The following PSAP variants were observed in gnomAD, a reference collection of about 807,000 sequenced individuals.
PSAP encodes precursor of saposins.
Under a neutral mutation model 66.0 loss-of-function variants are expected in PSAP, and 25 were observed. That is an observed-to-expected ratio of 0.38 (90% CI 0.28 to 0.53). The LOEUF (loss-of-function observed/expected upper bound fraction) is 0.53. PSAP is among the 20% of genes least tolerant of loss of function. The probability of loss-of-function intolerance (pLI) is 0.83; values close to 1 mark genes in which losing one functional copy is unlikely to be tolerated. For synonymous variants in PSAP, 273 were observed against 258.9 expected, an observed-to-expected ratio of 1.05 and a Z score of -0.52; for missense variants, 649 against 668.8, an observed-to-expected ratio of 0.97 and a Z score of 0.33.
chr10:71,827,255 C>T lies in PSAP; in HGVS notation c.720+759G>A, dbSNP rs192190222. On this transcript the variant is annotated intron_variant, in intron 6 of 13. Transcript: ENST00000394936. Reference sequence around the variant, plus strand: ...ACTAAAAAATACAAAAATAATTAGCCGGGCATGGTGGCGGGCACTTGTAGT... The same window carrying T: ...ACTAAAAAATACAAAAATAATTAGCTGGGCATGGTGGCGGGCACTTGTAGT... Among the ~76,000 whole-genome samples the T allele has an allele frequency of 5.1e-3, 774 of 151,922 alleles. 11 individuals are homozygous for T. Among genetic ancestry groups the T allele is most frequent in the African/African-American group, 0.018 (751 of 41,436 alleles).
chr10:71,819,959 A>T, intron 9 of PSAP, 59 bp from the exon 10 acceptor site: 1 of 1,430,408 alleles, frequency 7.0e-7, no homozygotes, highest in Non-Finnish European at 9.8e-7. Flanking sequence ...GTTGGGGGAC[A>T]TTCTGAAAAT....
chr10:71,831,125 C>A lies in PSAP; in HGVS notation c.375+1G>T, dbSNP rs2133047947. 5 of 1,614,046 alleles carry A rather than the reference C, an allele frequency of 3.1e-6. No homozygotes were observed. The highest frequency in any genetic ancestry group is 3.4e-6 in the Non-Finnish European group (4 of 1,179,942). ...GGAAAAGCCTATTCCCCATCACTTA[C>A]CATTTCTCCTTTAATGATGTCCAGG... On this transcript the variant is annotated splice_donor_variant, in intron 4 of 13. Coordinates refer to ENST00000394936, the MANE Select transcript of PSAP (RefSeq NM_002778.4). LOFTEE classifies it high-confidence loss of function.
chr10:71,816,767 C>A lies in PSAP; in HGVS notation c.*674G>T. On this transcript the variant is annotated 3_prime_UTR_variant, in exon 14 of 14. Coordinates refer to ENST00000394936, the MANE Select transcript of PSAP (RefSeq NM_002778.4). ...CAGATGGCCCTCTTCCCACCCAAACCCACAGAACCCCAAACAAGGCATCAC... is the reference window on the plus strand; with the variant it reads ...CAGATGGCCCTCTTCCCACCCAAACACACAGAACCCCAAACAAGGCATCAC... 1 of 225,660 alleles carries A rather than the reference C, an allele frequency of 4.4e-6. No individual in the cohort carries two copies. 14.0% of individuals were successfully genotyped at this position (225,660 alleles called of 1,614,324 possible).
intron 8 of PSAP, 21 bp from the exon 9 acceptor site, chr10:71,820,356 G>T (rs768272616): frequency 6.3e-7 from 1 of 1,595,528 alleles, no homozygotes; most frequent in Non-Finnish European, 8.6e-7. Context: ...AGTAGAAGGA[G>T]AGTACTTTCA....
Position 71,828,042 on chromosome 10 carries a change from T to C in PSAP, c.692A>G (p.Asp231Gly), listed in dbSNP as rs767173061. Residue 231 changes from aspartate to glycine, a missense_variant, in exon 6 of 14, where the codon GAC (aspartate) becomes GGC (glycine). Coordinates refer to ENST00000394936, the MANE Select transcript of PSAP (RefSeq NM_002778.4). ...GTCGGCCATGCCAGGGCCCAGGCGG[T>C]CACACTCCTCCTTGACATGTTCCAC... ...ALVEHVKEECDRLGPGMADIC... is the reference protein window; with the variant it reads ...ALVEHVKEECGRLGPGMADIC... The C allele has an allele frequency of 2.4e-5, 38 of 1,614,034 alleles. No homozygotes were observed. The South Asian group carries it at 4.2e-4, about 18-fold the overall frequency.
At chr10:71,848,000 G>C (rs1431918088) in intron 1 of PSAP, among the ~76,000 whole-genome samples, 2 of 152,172 alleles carry the variant, frequency 1.3e-5, no homozygotes, top group Non-Finnish European at 2.9e-5. Flanking sequence ...CTAAGCTTCA[G>C]GGAGCACCTG....
At position 71,816,686 on chromosome 10, in the gene PSAP, C is replaced by G. The variant is rs559885542; in HGVS notation, c.*755G>C. ...CACAGCGCGGCCACCACTGTCCACA[C>G]GCTCACACAAGCCAGGCCCGCAGGG... On this transcript the variant is annotated 3_prime_UTR_variant, in exon 14 of 14. Coordinates refer to ENST00000394936, the MANE Select transcript of PSAP (RefSeq NM_002778.4). 3.1e-6 allele frequency: 1 copy of G among 317,496 alleles called. No homozygotes were observed. The highest frequency in any genetic ancestry group is 2.2e-5 in the African/African-American group (1 of 46,370). 19.7% of individuals were successfully genotyped at this position (317,496 alleles called of 1,614,324 possible). A position where few individuals can be genotyped will look rare whatever the true frequency, so the allele number is the denominator to read the frequency against.
chr10:71,831,804 G>A (rs367714763), intron 3 of PSAP, 42 bp downstream of exon 3: 368 of 1,581,440 alleles, frequency 2.3e-4, no homozygotes, highest in Non-Finnish European at 3.0e-4. Context: ...ACCAGTGCAC[G>A]TGCCCGTGGC....
chr10:71,846,776 T>C (rs1177627974), intron 1 of PSAP, among the ~76,000 whole-genome samples: 1 of 146,488 alleles, frequency 6.8e-6, no homozygotes, highest in African/African-American at 2.5e-5. Context: ...GGCAATGTAA[T>C]TCTAATTAGT....
chr10:71,836,841 T>A (rs1842636622), intron 1 of PSAP, among the ~76,000 whole-genome samples: 1 of 152,236 alleles, frequency 6.6e-6, no homozygotes, highest in African/African-American at 2.4e-5. Flanking sequence ...GAATACTTTG[T>A]AGGCTGCCTA....
intron 1 of PSAP, among the ~76,000 whole-genome samples, chr10:71,842,643 T>C (rs1168934307): frequency 1.3e-5 from 2 of 152,114 alleles, no homozygotes; most frequent in Non-Finnish European, 2.9e-5. Context: ...GCTTCCCTTT[T>C]CAGATTTACC....
At chr10:71,826,281 A>C (rs1223758965) in intron 6 of PSAP, among the ~76,000 whole-genome samples, 3 of 152,226 alleles carry the variant, frequency 2.0e-5, no homozygotes, top group African/African-American at 7.2e-5. Flanking sequence ...AAAGCCATTT[A>C]CACAATCTCA....
At chr10:71,817,823 G>A (rs1246441897) in intron 13 of PSAP, among the ~76,000 whole-genome samples, 1 of 152,218 alleles carries the variant, frequency 6.6e-6, no homozygotes, top group East Asian at 1.9e-4. Context: ...GAACCTCCTT[G>A]CCTGAGTTAG....
intron 1 of PSAP, among the ~76,000 whole-genome samples, chr10:71,846,392 TCACTGTA>T (rs1842823812): frequency 7.0e-6 from 1 of 143,476 alleles, no homozygotes; most frequent in Non-Finnish European, 1.5e-5. Context: ...TTCATCCCAA[TCACTGTA>T]TTTATCATCA....
intron 1 of PSAP, among the ~76,000 whole-genome samples, chr10:71,837,073 C>T (rs982870845): frequency 6.6e-6 from 1 of 152,180 alleles, no homozygotes. Flanking sequence ...GTGGAGAATT[C>T]GGTACGCCTA....
At chr10:71,850,917 C>G (rs1402385845) in intron 1 of PSAP, among the ~76,000 whole-genome samples, 1 of 152,260 alleles carries the variant, frequency 6.6e-6, no homozygotes, top group Non-Finnish European at 1.5e-5. Flanking sequence ...GGGCCCCAGC[C>G]GCGCAGGAAC....
At chr10:71,845,185 G>C (rs1247536961) in intron 1 of PSAP, among the ~76,000 whole-genome samples, 1 of 152,110 alleles carries the variant, frequency 6.6e-6, no homozygotes, top group Non-Finnish European at 1.5e-5. Flanking sequence ...CAAGGATAAA[G>C]AGAAAGACTA....
At position 71,847,865 on chromosome 10, in the gene PSAP, T is replaced by G. The variant is rs77157215; in HGVS notation, c.40+3317A>C. Among the ~76,000 whole-genome samples the G allele has an allele frequency of 8.9e-3, 1,362 of 152,276 alleles. 17 individuals are homozygous for G. The highest frequency in any genetic ancestry group is 0.031 in the African/African-American group (1,303 of 41,536). On this transcript the variant is annotated intron_variant, in intron 1 of 13. Coordinates refer to ENST00000394936, the MANE Select transcript of PSAP (RefSeq NM_002778.4). ...GATATTCAGCAGGCCAGGCTATAAA[T>G]TCACATGTTATTGAAAGAATATATA...
intron 1 of PSAP, among the ~76,000 whole-genome samples, chr10:71,837,468 G>A (rs1342492929): frequency 6.6e-6 from 1 of 152,182 alleles, no homozygotes; most frequent in Non-Finnish European, 1.5e-5. Flanking sequence ...ATTTCTCCTA[G>A]CACTTGAGGA....
Sources: allele counts gnomAD v4.1 joint callset (sites outside exome capture counted in the v4.1 genomes callset), GRCh38; gene constraint gnomAD v4.1.1; transcripts MANE v1.5; gene names NCBI Gene and HGNC (gene_info 2026-07-23, HGNC 2026-07-21).